The following ANGPT4 variants were observed in gnomAD, a reference collection of about 807,000 sequenced individuals.
ANGPT4 encodes the protein angiopoietin 4, also known as angiopoietin-4.
ANGPT4 carries 50 observed loss-of-function variants against 53.0 expected under a neutral mutation model. The observed-to-expected ratio is 0.94, with a 90% CI of 0.75 to 1.20. The LOEUF (loss-of-function observed/expected upper bound fraction) is 1.20, where lower values mean the gene tolerates loss of function less well. Among genes scored for constraint, ANGPT4 ranks in the 50% most tolerant of loss-of-function variants. The pLI is 0.00. For missense variants in ANGPT4, 648 were observed against 637.1 expected (o/e 1.02, Z -0.18); for synonymous variants, 251 against 259.7 (o/e 0.97, Z 0.32).
At position 890,332 on chromosome 20, in the gene ANGPT4, G is replaced by T. The variant is rs1279977526; in HGVS notation, c.346C>A (p.Leu116Met). 1 of 1,613,226 alleles carries T rather than the reference G, an allele frequency of 6.2e-7. No individual in the cohort carries two copies. Among genetic ancestry groups the T allele is most frequent in the Non-Finnish European group, 8.5e-7 (1 of 1,179,988 alleles). The change falls in exon 2 of 9, where the codon CTG becomes ATG. Residue 116 changes from leucine to methionine, a missense_variant. Physicochemically the swap from Leu to Met is conservative, Grantham distance 15. Transcript: ENST00000381922. ...RAIKTILRSK[L>M]EQVQQQMAQN... Reference sequence around the variant, plus strand: ...GCCATTTGCTGCTGGACCTGCTCCAGCTTCGACCTCAAGATCGTCTTGATG... The same window carrying T: ...GCCATTTGCTGCTGGACCTGCTCCATCTTCGACCTCAAGATCGTCTTGATG...
At chr20:883,685 C>A (rs1430469074) in intron 4 of ANGPT4, among the ~76,000 whole-genome samples, 2 of 152,212 alleles carry the variant, frequency 1.3e-5, no homozygotes, top group Non-Finnish European at 2.9e-5. Flanking sequence ...CCCAACACAA[C>A]CTCCTACTCA....
At chr20:896,352 G>T (rs1423395221) in intron 1 of ANGPT4, among the ~76,000 whole-genome samples, 1 of 152,204 alleles carries the variant, frequency 6.6e-6, no homozygotes, top group African/African-American at 2.4e-5. Context: ...GGTAATATGT[G>T]GGGTTGGAGG....
intron 2 of ANGPT4, among the ~76,000 whole-genome samples, chr20:889,721 G>T (rs74492046): frequency 0.029 from 4,432 of 152,120 alleles, 225 homozygotes; most frequent in African/African-American, 0.1. Context: ...GCACACGGGG[G>T]ATCAAACAAA....
Position 872,861 on chromosome 20 carries a change from G to A in ANGPT4, c.*99C>T. On this transcript the variant is annotated 3_prime_UTR_variant, in exon 9 of 9. Coordinates refer to ENST00000381922, the MANE Select transcript of ANGPT4 (RefSeq NM_015985.4). ...GGCTCAGGAAGCCCAGGGTGTCAGG[G>A]AAGGCGGTGGCACAGTGTCTTGCAT... The A allele has an allele frequency of 6.7e-7, 1 of 1,484,312 alleles. No homozygotes were observed. The highest frequency in any genetic ancestry group is 9.2e-7 in the Non-Finnish European group (1 of 1,090,436). The allele number at this position is 1,484,312 out of a possible 1,614,324, so 91.9% of individuals were successfully genotyped here. A position where few individuals can be genotyped will look rare whatever the true frequency, so the allele number is the denominator to read the frequency against.
intron 1 of ANGPT4, among the ~76,000 whole-genome samples, chr20:902,966 C>T (rs1159888135): frequency 6.6e-6 from 1 of 152,176 alleles, no homozygotes; most frequent in Non-Finnish European, 1.5e-5. Flanking sequence ...TCCCTGAGGT[C>T]ACCCATCAAG....
intron 1 of ANGPT4, among the ~76,000 whole-genome samples, chr20:905,206 C>G (rs1177652363): frequency 6.6e-6 from 1 of 152,214 alleles, no homozygotes; most frequent in Non-Finnish European, 1.5e-5. Flanking sequence ...GGCTTCTACA[C>G]AGTACTTCAT....
intron 4 of ANGPT4, among the ~76,000 whole-genome samples, chr20:882,884 G>GGGTA (rs1981465717): frequency 6.6e-6 from 1 of 152,198 alleles, no homozygotes; most frequent in Non-Finnish European, 1.5e-5. Flanking sequence ...GTAATGCCAG[G>GGGTA]GGTAGTTTGG....
At chr20:884,704 G>A (rs1981540202) in intron 4 of ANGPT4, among the ~76,000 whole-genome samples, 1 of 152,180 alleles carries the variant, frequency 6.6e-6, no homozygotes, top group Non-Finnish European at 1.5e-5. Context: ...CTACAGCCAG[G>A]AAAACTGAGG....
intron 1 of ANGPT4, among the ~76,000 whole-genome samples, chr20:896,100 G>T (rs767032441): frequency 6.6e-6 from 1 of 152,114 alleles, no homozygotes; most frequent in Non-Finnish European, 1.5e-5. Flanking sequence ...ATAAAATGCC[G>T]CAGATATACA....
chr20:880,006 C>T (rs763877643), intron 5 of ANGPT4, among the ~76,000 whole-genome samples, 158 bp from the exon 6 acceptor site: 1 of 152,228 alleles, frequency 6.6e-6, no homozygotes, highest in Admixed American at 6.5e-5. Flanking sequence ...AAATTCCCCA[C>T]CCATTGTCAT....
chr20:915,086 C>A (rs1452339723), intron 1 of ANGPT4, among the ~76,000 whole-genome samples: 1 of 152,186 alleles, frequency 6.6e-6, no homozygotes, highest in East Asian at 1.9e-4. Context: ...CTGCAGCGGC[C>A]ACCTCTTTGG....
At chr20:878,756 C>A (rs777446954) in intron 6 of ANGPT4, among the ~76,000 whole-genome samples, 31 of 152,286 alleles carry the variant, frequency 2.0e-4, no homozygotes, top group Non-Finnish European at 4.4e-4. Flanking sequence ...CGCTTAGACA[C>A]ATGTACGTTA....
chr20:906,728 C>T (rs924379076), intron 1 of ANGPT4, among the ~76,000 whole-genome samples: 2 of 152,180 alleles, frequency 1.3e-5, no homozygotes, highest in Non-Finnish European at 2.9e-5. Flanking sequence ...TGGCTCAATG[C>T]AGACTGAAAT....
At chr20:903,857 C>T (rs1982377712) in intron 1 of ANGPT4, among the ~76,000 whole-genome samples, 1 of 152,110 alleles carries the variant, frequency 6.6e-6, no homozygotes, top group Admixed American at 6.5e-5. Flanking sequence ...GGCAGGGAGA[C>T]ATCTGGGGAG....
intron 1 of ANGPT4, among the ~76,000 whole-genome samples, chr20:895,368 T>A (rs1462810099): frequency 6.6e-6 from 1 of 152,090 alleles, no homozygotes; most frequent in Non-Finnish European, 1.5e-5. Flanking sequence ...TACTGCCCCA[T>A]CCCCTTGGCC....
Position 890,209 on chromosome 20 carries a change from T to C in ANGPT4, c.465+4A>G. On this transcript the variant is annotated splice_donor_region_variant and intron_variant, in intron 2 of 8. Coordinates refer to ENST00000381922, the MANE Select transcript of ANGPT4 (RefSeq NM_015985.4). ...TCAGTGCCCACTCAGTCACCCTCTG[T>C]TACCTGAGCCTCCATGTCGGTCAGC... The C allele has an allele frequency of 3.1e-6, 5 of 1,612,950 alleles. No individual in the cohort carries two copies. Among genetic ancestry groups the C allele is most frequent in the Non-Finnish European group, 4.2e-6 (5 of 1,179,558 alleles).
At position 878,250 on chromosome 20, in the gene ANGPT4, A is replaced by C; in HGVS notation, c.1131T>G (p.Ser377=). ...CCCAGTCTTGCAGCTCCACACGCAG[A>C]GAGTAGGCTGCCCTTCTGGTGAGCT... is the stretch of plus-strand genomic sequence containing the variant. ...VHQLTRRAAY[S]LRVELQDWEG... is the part of the protein sequence containing the mutation. The change falls in exon 7 of 9, where the codon TCT becomes TCG. Residue 377 remains serine (S), a synonymous_variant. Coordinates refer to ENST00000381922, the MANE Select transcript of ANGPT4 (RefSeq NM_015985.4). The C allele has an allele frequency of 6.2e-7, 1 of 1,613,370 alleles. No individual in the cohort carries two copies. Among genetic ancestry groups the C allele is most frequent in the Non-Finnish European group, 8.5e-7 (1 of 1,179,350 alleles).
chr20:893,856 T>C (rs561457296), intron 1 of ANGPT4, among the ~76,000 whole-genome samples: 2 of 152,362 alleles, frequency 1.3e-5, no homozygotes, highest in African/African-American at 4.8e-5. Context: ...CTGCCCACTG[T>C]GATCCCAATT....
intron 1 of ANGPT4, among the ~76,000 whole-genome samples, chr20:891,333 C>T (rs1981839336): frequency 6.6e-6 from 1 of 152,224 alleles, no homozygotes. Context: ...GGCCAGTCTC[C>T]AAGGGTTCTC....
Sources: allele counts gnomAD v4.1 joint callset (sites outside exome capture counted in the v4.1 genomes callset), GRCh38; gene constraint gnomAD v4.1.1; transcripts MANE v1.5; gene names NCBI Gene and HGNC (gene_info 2026-07-23, HGNC 2026-07-21).